PDE3A: variants seen among roughly 807,000 people sequenced by gnomAD.
The protein encoded by PDE3A is cGMP-inhibited 3',5'-cyclic phosphodiesterase 3A.
PDE3A carries 43 observed loss-of-function variants against 98.3 expected under a neutral mutation model. The ratio of observed to expected loss-of-function variants is 0.44; its 90% CI spans 0.34 to 0.56. PDE3A has a LOEUF of 0.56. PDE3A is among the 20% of genes least tolerant of loss of function. The probability of loss-of-function intolerance (pLI) is 0.01; values close to 1 mark genes in which losing one functional copy is unlikely to be tolerated. For missense variants in PDE3A, 1,427 were observed against 1,440.7 expected (o/e 0.99, Z 0.15); for synonymous variants, 663 against 567.9 (o/e 1.17, Z -2.38).
intron 1 of PDE3A, among the ~76,000 whole-genome samples, chr12:20,436,877 A>G (rs577517674): frequency 2.6e-4 from 39 of 152,218 alleles, no homozygotes; most frequent in Non-Finnish European, 5.6e-4. Flanking sequence ...AGTCATGGCA[A>G]GGTTTAGGAT....
At chr12:20,566,122 A>C (rs1210423849) in intron 2 of PDE3A, among the ~76,000 whole-genome samples, 1 of 151,982 alleles carries the variant, frequency 6.6e-6, no homozygotes, top group Non-Finnish European at 1.5e-5. Flanking sequence ...ATTAACTAAA[A>C]TTATCTTAAA....
chr12:20,667,609 T>A (rs1411240078), intron 15 of PDE3A, among the ~76,000 whole-genome samples: 1 of 152,208 alleles, frequency 6.6e-6, no homozygotes, highest in Non-Finnish European at 1.5e-5. Flanking sequence ...TTCTGGAGTC[T>A]ATGTTTTATT....
rs532021848 is a variant in PDE3A, at chr12:20,543,015, T to C, written c.961-13645T>C. Among the ~76,000 whole-genome samples, 3 of 152,112 alleles carry C rather than the reference T, an allele frequency of 2.0e-5. No homozygotes were observed. In the East Asian group the frequency reaches 5.8e-4, roughly 29 times the overall value. ...ACTCATTTACTCAAATTGACATAAA[T>C]AATGCAAGAGGTAGTTTGACAAACT... is the stretch of plus-strand genomic sequence containing the variant. On this transcript the variant is annotated intron_variant, in intron 1 of 15. Transcript: ENST00000359062.
At chr12:20,566,626 G>T (rs533666826) in intron 2 of PDE3A, among the ~76,000 whole-genome samples, 2 of 151,982 alleles carry the variant, frequency 1.3e-5, no homozygotes, top group African/African-American at 4.8e-5. Context: ...TCAGGAAGAT[G>T]TAGCGCAAAC....
At chr12:20,609,769 C>T (rs1943801170) in intron 2 of PDE3A, among the ~76,000 whole-genome samples, 1 of 151,872 alleles carries the variant, frequency 6.6e-6, no homozygotes, top group Non-Finnish European at 1.5e-5. Flanking sequence ...AATAATTTTA[C>T]ACAAGGGTGC....
At chr12:20,396,125 T>A (rs1391886893) in intron 1 of PDE3A, among the ~76,000 whole-genome samples, 20 of 152,170 alleles carry the variant, frequency 1.3e-4, no homozygotes, top group Admixed American at 1.3e-3. Context: ...TTTTGTAATT[T>A]AGAAAACAAG....
chr12:20,442,083 A>G (rs974673370), intron 1 of PDE3A, among the ~76,000 whole-genome samples: 34 of 152,258 alleles, frequency 2.2e-4, no homozygotes, highest in East Asian at 7.7e-4. Flanking sequence ...GAAATATTGA[A>G]CTGCTTATTA....
chr12:20,681,920 A>T lies in PDE3A; in HGVS notation c.*1649A>T, dbSNP rs1044535819. On this transcript the variant is annotated 3_prime_UTR_variant, in exon 16 of 16. Coordinates refer to ENST00000359062, the MANE Select transcript of PDE3A (RefSeq NM_000921.5). ...GTAAACTCTTTTTTTAAAAAAGGAA[A>T]AGGGAAACATTTTTATAAAGTTATA... is the stretch of plus-strand genomic sequence containing the variant. 6 of 152,164 alleles carry T rather than the reference A, an allele frequency of 3.9e-5. No homozygotes were observed. Among genetic ancestry groups the T allele is most frequent in the African/African-American group, 1.4e-4 (6 of 41,448 alleles). The allele number at this position is 152,164 out of a possible 1,614,324, so 9.4% of individuals were successfully genotyped here.
intron 1 of PDE3A, among the ~76,000 whole-genome samples, chr12:20,401,346 A>G (rs1042736652): frequency 7.9e-5 from 12 of 152,196 alleles, no homozygotes; most frequent in African/African-American, 2.9e-4. Flanking sequence ...TCCTTTGATA[A>G]AAAGTAGTTT....
chr12:20,666,806 G>A (rs182217187), intron 15 of PDE3A, among the ~76,000 whole-genome samples: 8 of 152,284 alleles, frequency 5.3e-5, no homozygotes, highest in Admixed American at 1.3e-4. Context: ...TAGTGGGATT[G>A]CTAGATCATA....
intron 15 of PDE3A, among the ~76,000 whole-genome samples, chr12:20,679,661 A>T (rs10770701): frequency 6.6e-6 from 1 of 151,738 alleles, no homozygotes; most frequent in African/African-American, 2.4e-5. Context: ...ACAGACTAAC[A>T]AGAAGTTATT....
At chr12:20,573,391 T>C (rs1196016762) in intron 2 of PDE3A, among the ~76,000 whole-genome samples, 1 of 151,956 alleles carries the variant, frequency 6.6e-6, no homozygotes, top group Non-Finnish European at 1.5e-5. Flanking sequence ...AACTTTTGGT[T>C]CTCATGAAGC....
chr12:20,624,652 A>G (rs1443208246), intron 5 of PDE3A, among the ~76,000 whole-genome samples: 1 of 152,192 alleles, frequency 6.6e-6, no homozygotes, highest in Non-Finnish European at 1.5e-5. Context: ...CACAGCTAAA[A>G]GTTTATAAAA....
intron 2 of PDE3A, among the ~76,000 whole-genome samples, chr12:20,589,862 G>C (rs1283916712): frequency 8.6e-6 from 1 of 115,768 alleles, no homozygotes; most frequent in Non-Finnish European, 1.7e-5. Context: ...GAGCAAGACT[G>C]CATCTTAAAA....
chr12:20,564,598 C>T (rs1269001085), intron 2 of PDE3A, among the ~76,000 whole-genome samples: 2 of 152,130 alleles, frequency 1.3e-5, no homozygotes, highest in Non-Finnish European at 2.9e-5. Flanking sequence ...GAGTTTGGCT[C>T]TGTCCTCACA....
chr12:20,582,428 A>C (rs1447096478), intron 2 of PDE3A, among the ~76,000 whole-genome samples: 1 of 152,026 alleles, frequency 6.6e-6, no homozygotes, highest in Non-Finnish European at 1.5e-5. Context: ...TCCTGACCTC[A>C]AGTGGCCTGC....
intron 15 of PDE3A, among the ~76,000 whole-genome samples, chr12:20,676,436 G>A (rs1945640836): frequency 6.7e-6 from 1 of 150,264 alleles, no homozygotes; most frequent in Non-Finnish European, 1.5e-5. Flanking sequence ...TCTGATTGGA[G>A]TTTCCTTATA....
intron 1 of PDE3A, among the ~76,000 whole-genome samples, chr12:20,498,571 C>G (rs1202235388): frequency 6.6e-6 from 1 of 152,150 alleles, no homozygotes; most frequent in African/African-American, 2.4e-5. Context: ...CATTTTATAT[C>G]AGGGACTTGA....
chr12:20,635,609 C>T (rs1944490562), intron 8 of PDE3A, among the ~76,000 whole-genome samples: 1 of 150,868 alleles, frequency 6.6e-6, no homozygotes, highest in South Asian at 2.1e-4. Flanking sequence ...AGAAATTACC[C>T]AGGCATGGTG....
Sources: allele counts gnomAD v4.1 joint callset (sites outside exome capture counted in the v4.1 genomes callset), GRCh38; gene constraint gnomAD v4.1.1; transcripts MANE v1.5; gene names NCBI Gene and HGNC (gene_info 2026-07-23, HGNC 2026-07-21).